ACOT1: variants seen among roughly 807,000 people sequenced by gnomAD.
ACOT1 encodes the protein acyl-coenzyme A thioesterase 1.
Under a neutral mutation model 15.7 loss-of-function variants are expected in ACOT1, and 8 were observed. The ratio of observed to expected loss-of-function variants is 0.51; its 90% CI spans 0.30 to 0.92. The LOEUF (loss-of-function observed/expected upper bound fraction) is 0.92, where lower values mean the gene tolerates loss of function less well. ACOT1 is among the 40% of genes least tolerant of loss of function. ACOT1 has a pLI of 0.06. For synonymous variants in ACOT1, 67 were observed against 241.2 expected (o/e 0.28, Z 6.69); for missense variants, 151 against 539.4 (o/e 0.28, Z 7.13).
chr14:73,515,081 C>CA, the ACOT1 span, among the ~76,000 whole-genome samples: 1,050 of 135,152 alleles, frequency 7.8e-3, 12 homozygotes, highest in African/African-American at 0.027. Flanking sequence ...AAAAAAAAAA[C>CA]AAAAAAAAAA....
chr14:73,524,045 C>T, the ACOT1 span, among the ~76,000 whole-genome samples: 1 of 151,872 alleles, frequency 6.6e-6, no homozygotes, highest in Admixed American at 6.6e-5. Context: ...AATCCCAGCA[C>T]TTTGGGAGGC....
chr14:73,497,039 G>T, the ACOT1 span, among the ~76,000 whole-genome samples: 1 of 152,194 alleles, frequency 6.6e-6, no homozygotes, highest in Non-Finnish European at 1.5e-5. Flanking sequence ...GGGACTACAG[G>T]CGCGTGCCAT....
At chr14:73,520,569 A>T in the ACOT1 span, 5 of 316,176 alleles carry the variant, frequency 1.6e-5, no homozygotes, top group African/African-American at 4.3e-5. Context: ...GAAGAGATGG[A>T]TTGTTCCCAA....
chr14:73,493,648 G>A, the ACOT1 span, among the ~76,000 whole-genome samples: 6 of 152,134 alleles, frequency 3.9e-5, no homozygotes, highest in South Asian at 2.1e-4. Flanking sequence ...GACCAGCCTG[G>A]CCAACATGGC....
the ACOT1 span, chr14:73,491,750 G>A: frequency 3.2e-6 from 5 of 1,558,648 alleles, no homozygotes; most frequent in South Asian, 5.9e-5. Context: ...TTTCTCTACC[G>A]CTGACCTGGA....
chr14:73,524,307 AAAAATATATAT>A, the ACOT1 span, among the ~76,000 whole-genome samples: 8 of 110,072 alleles, frequency 7.3e-5, no homozygotes, highest in African/African-American at 2.4e-4. Flanking sequence ...AAAAAAAAAA[AAAAATATATAT>A]ATATATATAT....
chr14:73,534,914 TG>T (rs1476701157), upstream of ACOT1, among the ~76,000 whole-genome samples: 2 of 110,710 alleles, frequency 1.8e-5, no homozygotes, highest in African/African-American at 5.9e-5. Flanking sequence ...CCCTAACAGC[TG>T]GAACTACAGG....
chr14:73,506,818 T>TGTTTTTTTTTTTTTTG, the ACOT1 span, among the ~76,000 whole-genome samples: 1 of 136,734 alleles, frequency 7.3e-6, no homozygotes, highest in Non-Finnish European at 1.5e-5. Flanking sequence ...TTTTTTTTTT[T>TGTTTTTTTTTTTTTTG]TTTTTTTCTG....
chr14:73,492,082 ACT>A, the ACOT1 span: 5 of 1,613,422 alleles, frequency 3.1e-6, no homozygotes, highest in Admixed American at 1.7e-5. The surrounding 1 kb of genome is among the most constrained non-coding windows in gnomAD (Gnocchi z 4.9). Context: ...AAGGTAGGAA[ACT>A]CTGGCGTGTA....
the ACOT1 span, among the ~76,000 whole-genome samples, chr14:73,506,982 G>A: frequency 1.3e-5 from 2 of 151,814 alleles, no homozygotes; most frequent in East Asian, 3.9e-4. Context: ...TGTATTTTTA[G>A]TAGAGGCGGG....
chr14:73,542,381 A>AAT lies in ACOT1; in HGVS notation c.661-668_661-667dup, dbSNP rs1889115782. Among the ~76,000 whole-genome samples, 2 of 107,928 alleles carry AAT rather than the reference A, an allele frequency of 1.9e-5. 1 individual carries two copies. Among genetic ancestry groups the AAT allele is most frequent in the Non-Finnish European group, 3.9e-5 (2 of 51,260 alleles). The allele number at this position is 107,928 out of a possible 152,430, so 70.8% of individuals were successfully genotyped here. On this transcript the variant is annotated intron_variant, in intron 2 of 2. Transcript: ENST00000311148. ...TTGTAGTTGGTATTATGCAATTTTA[A>AAT]ATTCCAGTATGTTTTTTCTTTCTTT...
the ACOT1 span, chr14:73,496,738 G>T: frequency 1.1e-6 from 1 of 937,846 alleles, no homozygotes. Flanking sequence ...AAAGTATGGG[G>T]GTAGAAAATA....
In ACOT1 at chr14:73,538,850, C is replaced by T. The variant is rs1888974849; in HGVS notation, c.457+972C>T. Among the ~76,000 whole-genome samples the T allele has an allele frequency of 1.8e-5, 2 of 112,106 alleles. 1 individual carries two copies. Among genetic ancestry groups the T allele is most frequent in the African/African-American group, 5.8e-5 (2 of 34,342 alleles). The allele number at this position is 112,106 out of a possible 152,430, so 73.5% of individuals were successfully genotyped here. A position where few individuals can be genotyped will look rare whatever the true frequency, so the allele number is the denominator to read the frequency against. ...AGGTGAGGTGGTGCACACCTGTAGTCCCACCTACTCGGGAGTCTGAGGCAG... is the reference window on the plus strand; with the variant it reads ...AGGTGAGGTGGTGCACACCTGTAGTTCCACCTACTCGGGAGTCTGAGGCAG... On this transcript the variant is annotated intron_variant, in intron 1 of 2. Coordinates refer to ENST00000311148, the MANE Select transcript of ACOT1 (RefSeq NM_001037161.2).
chr14:73,503,146 C>T, the ACOT1 span: 5 of 698,256 alleles, frequency 7.2e-6, no homozygotes, highest in South Asian at 1.7e-5. Context: ...TTTTTCCCAT[C>T]GCTTACTCTC....
At chr14:73,492,718 C>G in the ACOT1 span, 13 of 1,613,946 alleles carry the variant, frequency 8.1e-6, no homozygotes, top group Non-Finnish European at 8.5e-7. This position sits in a 1 kb window ranked among gnomAD's most constrained non-coding sequence, Gnocchi z 4.9. Context: ...ATTTGTTTCT[C>G]TATTACACAG....
At chr14:73,500,811 T>G in the ACOT1 span, 1 of 1,362,858 alleles carries the variant, frequency 7.3e-7, no homozygotes, top group Non-Finnish European at 1.0e-6. Context: ...GCCCTCATGA[T>G]AAAATCCGGG....
the ACOT1 span, among the ~76,000 whole-genome samples, chr14:73,515,734 T>G: frequency 1.9e-5 from 2 of 106,736 alleles, no homozygotes; most frequent in African/African-American, 7.4e-5. Flanking sequence ...TTAGCAAAGA[T>G]GCCCATACAA....
chr14:73,520,976 C>T, the ACOT1 span: 64 of 1,613,714 alleles, frequency 4.0e-5, no homozygotes, highest in Non-Finnish European at 5.1e-5. Flanking sequence ...CATGGATATC[C>T]TCAGTGCTCT....
At chr14:73,497,627 C>T in the ACOT1 span, among the ~76,000 whole-genome samples, 1 of 151,920 alleles carries the variant, frequency 6.6e-6, no homozygotes, top group Non-Finnish European at 1.5e-5. Context: ...AACTTAAAAC[C>T]CATCCTTTTT....
Sources: gnomAD v4.1 joint callset for allele counts (sites outside exome capture counted in the v4.1 genomes callset) on GRCh38, gnomAD v4.1.1 for gene constraint, Gnocchi (gnomAD v3.1) non-coding constraint, MANE v1.5 for transcripts, NCBI Gene and HGNC (gene_info 2026-07-23, HGNC 2026-07-21) for gene names.